Variants in OSBPL10 observed in about 807,000 individuals in gnomAD.
OSBPL10 encodes oxysterol binding protein like 10.
OSBPL10 carries 49 observed loss-of-function variants against 81.7 expected under a neutral mutation model. The ratio of observed to expected loss-of-function variants is 0.60; its 90% CI spans 0.48 to 0.76. The LOEUF (loss-of-function observed/expected upper bound fraction) is 0.76, where lower values mean the gene tolerates loss of function less well. Ranked by LOEUF, OSBPL10 falls within the 30% of genes least tolerant of loss-of-function variation. The pLI is 0.00. For missense variants in OSBPL10, 923 were observed against 987.8 expected (o/e 0.93, Z 0.88); for synonymous variants, 419 against 383.6 (o/e 1.09, Z -1.08).
intron 4 of OSBPL10, among the ~76,000 whole-genome samples, chr3:31,782,681 G>GA (rs1216453558): frequency 6.6e-6 from 1 of 151,992 alleles, no homozygotes; most frequent in Non-Finnish European, 1.5e-5. Context: ...CCAAACACAG[G>GA]AAAAAATGCT....
chr3:31,874,112 CTT>C (rs5847723), intron 3 of OSBPL10, among the ~76,000 whole-genome samples: 22 of 144,626 alleles, frequency 1.5e-4, no homozygotes, highest in African/African-American at 1.5e-4. Context: ...TCTTCAAATT[CTT>C]TTTTTTTTTT....
At chr3:32,069,113 C>T (rs1190159151) in intron 1 of OSBPL10, among the ~76,000 whole-genome samples, 1 of 152,182 alleles carries the variant, frequency 6.6e-6, no homozygotes, top group Non-Finnish European at 1.5e-5. Flanking sequence ...TTTTCTCTAT[C>T]AGACCTTTCA....
intron 4 of OSBPL10, among the ~76,000 whole-genome samples, chr3:31,828,195 G>A (rs1700145330): frequency 6.6e-6 from 1 of 152,208 alleles, no homozygotes; most frequent in Non-Finnish European, 1.5e-5. Flanking sequence ...TGGTATCATA[G>A]TTAAGTGTTG....
intron 3 of OSBPL10, among the ~76,000 whole-genome samples, chr3:31,837,313 T>G (rs1700376590): frequency 7.6e-6 from 1 of 132,064 alleles, no homozygotes; most frequent in Admixed American, 7.6e-5. Context: ...GAATTACAGA[T>G]CCCCAAATTA....
chr3:31,837,973 A>T (rs982446200), intron 3 of OSBPL10, among the ~76,000 whole-genome samples: 3 of 152,214 alleles, frequency 2.0e-5, no homozygotes, highest in African/African-American at 7.2e-5. Flanking sequence ...CTTTATAATT[A>T]TTGTAATAAA....
chr3:31,864,800 G>A (rs540241277), intron 3 of OSBPL10, among the ~76,000 whole-genome samples: 4 of 152,262 alleles, frequency 2.6e-5, no homozygotes, highest in South Asian at 2.1e-4. Context: ...TGCCACTAAC[G>A]ATTGTTCGAG....
intron 8 of OSBPL10, among the ~76,000 whole-genome samples, chr3:31,675,619 C>T (rs1316219543): frequency 1.3e-5 from 2 of 152,092 alleles, no homozygotes; most frequent in African/African-American, 4.8e-5. Flanking sequence ...TTAAAGCAGC[C>T]CTCTCGATGG....
chr3:31,692,987 T>C (rs1433197657), intron 7 of OSBPL10, among the ~76,000 whole-genome samples: 1 of 152,228 alleles, frequency 6.6e-6, no homozygotes, highest in Non-Finnish European at 1.5e-5. Context: ...TGTCGCCTCA[T>C]GAAACAGATT....
chr3:31,806,545 C>G (rs1317877391), intron 4 of OSBPL10, among the ~76,000 whole-genome samples: 1 of 152,190 alleles, frequency 6.6e-6, no homozygotes, highest in African/African-American at 2.4e-5. Flanking sequence ...TTTGTACCCG[C>G]AGTTAGAAAA....
chr3:31,961,920 T>TAA (rs1553644050), intron 1 of OSBPL10, among the ~76,000 whole-genome samples: 2 of 149,694 alleles, frequency 1.3e-5, no homozygotes, highest in Admixed American at 6.6e-5. Flanking sequence ...TTTTTTTTTT[T>TAA]AAGAGTTTTT....
At chr3:32,074,613 C>G (rs1346914939) in intron 1 of OSBPL10, among the ~76,000 whole-genome samples, 2 of 152,292 alleles carry the variant, frequency 1.3e-5, no homozygotes, top group Admixed American at 1.3e-4. Context: ...TGAATCTCCT[C>G]CTAGCCCCTC....
intron 2 of OSBPL10, among the ~76,000 whole-genome samples, chr3:32,019,981 G>T (rs1699347320): frequency 6.6e-6 from 1 of 152,186 alleles, no homozygotes; most frequent in Non-Finnish European, 1.5e-5. Context: ...TTTGCGGAGG[G>T]ATTTCTCTCC....
chr3:31,662,968 T>G (rs1170362305), intron 11 of OSBPL10: 1 of 985,384 alleles, frequency 1.0e-6, no homozygotes, highest in Non-Finnish European at 1.2e-6. Context: ...GCAGCTTTCC[T>G]GTCTGAACCA....
At chr3:32,026,256 C>G (rs889473864) in intron 2 of OSBPL10, among the ~76,000 whole-genome samples, 2 of 152,018 alleles carry the variant, frequency 1.3e-5, no homozygotes, top group Admixed American at 6.6e-5. Context: ...CCTGCCTCAA[C>G]CTCCCAAGTA....
At chr3:31,922,064 CTG>C (rs1696933634) in intron 1 of OSBPL10, among the ~76,000 whole-genome samples, 1 of 152,188 alleles carries the variant, frequency 6.6e-6, no homozygotes, top group South Asian at 2.1e-4. Flanking sequence ...TTGTGAGAAA[CTG>C]TCATCGCAGT....
chr3:31,789,567 G>T (rs1430381497), intron 4 of OSBPL10, among the ~76,000 whole-genome samples: 3 of 152,226 alleles, frequency 2.0e-5, no homozygotes, highest in Admixed American at 2.0e-4. Context: ...AAGAAGTGGT[G>T]GGGGACCAAG....
rs1559476437 is a variant in OSBPL10, at chr3:31,812,794, GAAAGAAAGAAAGAA to G, written c.729+17232_729+17245del. Reference sequence around the variant, plus strand: ...AGAAAGAAAGAAAGAAAGAAAGAAAGAAAGAAAGAAAGAAAGAAAGAAAGAGAAAGAAAGAAAGA... The same window carrying G: ...AGAAAGAAAGAAAGAAAGAAAGAAAGAGAAAGAAAGAGAAAGAAAGAAAGA... On this transcript the variant is annotated intron_variant, in intron 4 of 11. Coordinates refer to ENST00000396556, the MANE Select transcript of OSBPL10 (RefSeq NM_017784.5). Among the ~76,000 whole-genome samples the G allele has an allele frequency of 5.3e-4, 25 of 46,832 alleles. 1 individual carries two copies. The highest frequency in any genetic ancestry group is 2.4e-3 in the African/African-American group (23 of 9,708). 30.7% of individuals were successfully genotyped at this position (46,832 alleles called of 152,430 possible).
chr3:32,010,148 T>C (rs1699239882), intron 2 of OSBPL10, among the ~76,000 whole-genome samples: 1 of 151,962 alleles, frequency 6.6e-6, no homozygotes, highest in Non-Finnish European at 1.5e-5. Flanking sequence ...CCATTTTTTT[T>C]TTTTTAAGAG....
intron 4 of OSBPL10, among the ~76,000 whole-genome samples, chr3:31,812,712 CAAA>C (rs563030191): frequency 0.16 from 5,380 of 33,920 alleles, 316 homozygotes; most frequent in East Asian, 0.45. Flanking sequence ...ACACAGTAGG[CAAA>C]AAAAAAGAAA....
Sources: gnomAD v4.1 joint callset for allele counts (sites outside exome capture counted in the v4.1 genomes callset) on GRCh38, gnomAD v4.1.1 for gene constraint, MANE v1.5 for transcripts, NCBI Gene and HGNC (gene_info 2026-07-23, HGNC 2026-07-21) for gene names.